HSD17B12: variants seen among roughly 807,000 people sequenced by gnomAD.
The protein encoded by HSD17B12 is very-long-chain 3-oxoacyl-CoA reductase.
Under a neutral mutation model 39.3 loss-of-function variants are expected in HSD17B12, and 32 were observed. The ratio of observed to expected loss-of-function variants is 0.81; its 90% CI spans 0.61 to 1.09. HSD17B12 has a LOEUF of 1.09. HSD17B12 is among the 50% of genes least tolerant of loss of function. The pLI, the probability that HSD17B12 is intolerant of heterozygous loss-of-function variation, is 0.00. For synonymous variants in HSD17B12, 150 were observed against 146.7 expected, an observed-to-expected ratio of 1.02 and a Z score of -0.16; for missense variants, 342 against 382.9, an observed-to-expected ratio of 0.89 and a Z score of 0.89.
the HSD17B12 span, among the ~76,000 whole-genome samples, chr11:43,622,461 A>G: frequency 1.3e-5 from 2 of 152,154 alleles, no homozygotes; most frequent in South Asian, 2.1e-4. Flanking sequence ...AAAATAAAAT[A>G]AATTTTTTAC....
chr11:43,710,193 A>G (rs1846781279), intron 1 of HSD17B12, among the ~76,000 whole-genome samples: 1 of 152,194 alleles, frequency 6.6e-6, no homozygotes. Context: ...CTATCCTTAC[A>G]ATGAGTTGTC....
At chr11:43,767,576 C>T (rs978353684) in intron 3 of HSD17B12, among the ~76,000 whole-genome samples, 3 of 152,096 alleles carry the variant, frequency 2.0e-5, no homozygotes, top group African/African-American at 7.2e-5. Context: ...TTATTAAATG[C>T]ATATTTTTGT....
chr11:43,674,072 G>T, the HSD17B12 span, among the ~76,000 whole-genome samples: 1 of 152,116 alleles, frequency 6.6e-6, no homozygotes, highest in Non-Finnish European at 1.5e-5. Context: ...ATCTATACAA[G>T]ATCATACAGC....
chr11:43,794,318 T>C (rs1950896532), intron 3 of HSD17B12, among the ~76,000 whole-genome samples: 1 of 152,188 alleles, frequency 6.6e-6, no homozygotes, highest in East Asian at 1.9e-4. Flanking sequence ...CTGTGAGATA[T>C]TTAAACAAAA....
the HSD17B12 span, among the ~76,000 whole-genome samples, chr11:43,659,093 T>C: frequency 6.6e-6 from 1 of 152,204 alleles, no homozygotes; most frequent in South Asian, 2.1e-4. Context: ...TGGGCAATGG[T>C]GGGCGCCCCT....
intron 1 of HSD17B12, among the ~76,000 whole-genome samples, chr11:43,698,105 A>G (rs185467957): frequency 6.6e-6 from 1 of 152,306 alleles, no homozygotes; most frequent in Admixed American, 6.5e-5. Flanking sequence ...AGGGAGTCAG[A>G]CAAGAAAGAG....
the HSD17B12 span, among the ~76,000 whole-genome samples, chr11:43,563,895 T>C: frequency 1.3e-5 from 2 of 152,174 alleles, no homozygotes; most frequent in Non-Finnish European, 1.5e-5. Flanking sequence ...TTCTTTTATG[T>C]TTTACTGCAA....
the HSD17B12 span, among the ~76,000 whole-genome samples, chr11:43,655,841 A>C: frequency 6.6e-6 from 1 of 152,150 alleles, no homozygotes; most frequent in South Asian, 2.1e-4. Flanking sequence ...ATCAATGTTC[A>C]TCAGGGATAT....
At chr11:43,690,420 T>TTG (rs1949851782) in intron 1 of HSD17B12, among the ~76,000 whole-genome samples, 1 of 114,720 alleles carries the variant, frequency 8.7e-6, no homozygotes, top group African/African-American at 3.3e-5. Context: ...TTTTTTTTTT[T>TTG]TCTGAGACAG....
At chr11:43,717,326 C>A (rs1950133198) in intron 1 of HSD17B12, among the ~76,000 whole-genome samples, 1 of 152,116 alleles carries the variant, frequency 6.6e-6, no homozygotes, top group Non-Finnish European at 1.5e-5. Flanking sequence ...GAATCCTAGG[C>A]TATTATGCTA....
chr11:43,737,598 C>A (rs1268194651), intron 1 of HSD17B12, among the ~76,000 whole-genome samples: 1 of 152,158 alleles, frequency 6.6e-6, no homozygotes, highest in Non-Finnish European at 1.5e-5. Flanking sequence ...TCTTCCTCTA[C>A]CTTATAGTGC....
At chr11:43,629,063 C>T in the HSD17B12 span, among the ~76,000 whole-genome samples, 3 of 152,108 alleles carry the variant, frequency 2.0e-5, no homozygotes, top group Non-Finnish European at 2.9e-5. Context: ...GATCCCATCC[C>T]TACCAATTTT....
intron 4 of HSD17B12, among the ~76,000 whole-genome samples, chr11:43,804,777 AGTTTG>A (rs1951003144): frequency 6.6e-6 from 1 of 152,246 alleles, no homozygotes. Context: ...ACTAAAAGAT[AGTTTG>A]AGCAAAGATA....
intron 6 of HSD17B12, among the ~76,000 whole-genome samples, chr11:43,829,294 C>T (rs1341711905): frequency 1.3e-5 from 2 of 152,136 alleles, no homozygotes; most frequent in Non-Finnish European, 2.9e-5. Flanking sequence ...GTTATTAAAA[C>T]TTCTTGAGTT....
the HSD17B12 span, among the ~76,000 whole-genome samples, chr11:43,586,518 C>T: frequency 6.6e-6 from 1 of 152,156 alleles, no homozygotes; most frequent in African/African-American, 2.4e-5. Flanking sequence ...TGGGGCTTGA[C>T]TGAGAGCTGT....
chr11:43,770,463 C>T (rs1006484680), intron 3 of HSD17B12, among the ~76,000 whole-genome samples: 1 of 152,222 alleles, frequency 6.6e-6, no homozygotes, highest in Non-Finnish European at 1.5e-5. Context: ...CACAGTGGTT[C>T]ACACTTGTAA....
chr11:43,668,557 T>C, the HSD17B12 span, among the ~76,000 whole-genome samples: 2 of 152,292 alleles, frequency 1.3e-5, no homozygotes, highest in East Asian at 3.9e-4. Flanking sequence ...CACATATGTG[T>C]AAAGATAAAT....
intron 1 of HSD17B12, among the ~76,000 whole-genome samples, chr11:43,716,521 A>G (rs1229275437): frequency 6.6e-6 from 1 of 152,026 alleles, no homozygotes; most frequent in Non-Finnish European, 1.5e-5. Flanking sequence ...CAAGAGAACC[A>G]TGATTTAATC....
intron 4 of HSD17B12, among the ~76,000 whole-genome samples, chr11:43,803,756 G>A (rs1444284330): frequency 6.6e-6 from 1 of 152,156 alleles, no homozygotes; most frequent in East Asian, 1.9e-4. Context: ...TTAAGGTTGA[G>A]AAGTTGGATT....
Sources: allele counts gnomAD v4.1 joint callset (sites outside exome capture counted in the v4.1 genomes callset), GRCh38; gene constraint gnomAD v4.1.1; transcripts MANE v1.5; gene names NCBI Gene and HGNC (gene_info 2026-07-23, HGNC 2026-07-21).